The following GTSE1 variants were observed in gnomAD, a reference collection of about 807,000 sequenced individuals.
The protein encoded by GTSE1 is G2 and S-phase expressed 1.
Under a neutral mutation model 60.5 loss-of-function variants are expected in GTSE1, and 52 were observed. That is an observed-to-expected ratio of 0.86 (90% confidence interval 0.69 to 1.08). The LOEUF (loss-of-function observed/expected upper bound fraction) is 1.08, where lower values mean the gene tolerates loss of function less well. Among genes scored for constraint, GTSE1 ranks in the 50% least tolerant of loss-of-function variants. The pLI, the probability that GTSE1 is intolerant of heterozygous loss-of-function variation, is 0.00. For synonymous variants in GTSE1, 368 were observed against 386.5 expected (o/e 0.95, Z 0.56); for missense variants, 937 against 961.8 (o/e 0.97, Z 0.34).
chr22:46,328,062 A>G (rs2077853990), intron 9 of GTSE1, among the ~76,000 whole-genome samples: 1 of 152,348 alleles, frequency 6.6e-6, no homozygotes, highest in Non-Finnish European at 1.5e-5. Context: ...AAAAGAAGGT[A>G]CTGTGTGTTA....
intron 8 of GTSE1, among the ~76,000 whole-genome samples, chr22:46,325,954 T>G (rs2077841164): frequency 2.0e-5 from 3 of 152,216 alleles, no homozygotes; most frequent in African/African-American, 7.2e-5. Flanking sequence ...TCATTTGTGT[T>G]CACATCTGAT....
rs373467017 is a variant in GTSE1 at position 46,329,455 on chromosome 22, C to T, written c.2024C>T (p.Thr675Ile). Residue 675 changes from threonine (T) to isoleucine (I), a missense_variant, in exon 11 of 12, where the codon ACC (threonine) becomes ATC (isoleucine). Physicochemically the swap from Thr to Ile is moderately conservative, Grantham distance 89. Coordinates refer to ENST00000454366, the MANE Select transcript of GTSE1 (RefSeq NM_016426.7). This position sits in a 1 kb window ranked among gnomAD's most constrained non-coding sequence, Gnocchi z 6.4. ...CTTCCTCTCATCGACTTCTGCGATA[C>T]CCCAGAAGCACACGTGGCTGTAGGA... ...IDLPLIDFCD[T>I]PEAHVAVGSE... 166 of 1,613,620 alleles carry T rather than the reference C, an allele frequency of 1.0e-4. No homozygotes were observed. The highest frequency in any genetic ancestry group is 1.3e-4 in the Non-Finnish European group (159 of 1,179,610).
Position 46,318,155 on chromosome 22 carries a change from T to C in GTSE1, c.1432+1743T>C, listed in dbSNP as rs1417106469. 1.3e-5 allele frequency among the ~76,000 whole-genome samples: 2 copies of C among 152,248 alleles called. No homozygotes were observed. Among genetic ancestry groups the C allele is most frequent in the African/African-American group, 4.8e-5 (2 of 41,468 alleles). The stretch of plus-strand genomic sequence containing the variant: ...GTCTGGCCATTAGTGGGTGGGTGTT[T>C]GTAAAGTTTTCATGAATTTCTTGAA... On this transcript the variant is annotated intron_variant, in intron 7 of 11. Coordinates refer to ENST00000454366, the MANE Select transcript of GTSE1 (RefSeq NM_016426.7). This position sits in a 1 kb window ranked among gnomAD's most constrained non-coding sequence, Gnocchi z 4.8.
chr22:46,323,390 C>T, intron 8 of GTSE1, 128 bp downstream of exon 8: 1 of 747,572 alleles, frequency 1.3e-6, no homozygotes, highest in Non-Finnish European at 2.4e-6. Context: ...CTCTTGGGTG[C>T]AGGCCGAGCT....
chr22:46,303,233 T>C (rs191011484), intron 2 of GTSE1, among the ~76,000 whole-genome samples: 2 of 152,324 alleles, frequency 1.3e-5, no homozygotes, highest in Non-Finnish European at 2.9e-5. Context: ...GTTACTTTTA[T>C]GATATGCCAA....
Position 46,317,429 on chromosome 22 carries a change from G to A in GTSE1, c.1432+1017G>A, listed in dbSNP as rs2085622638. 6.6e-6 allele frequency among the ~76,000 whole-genome samples: 1 copy of A among 152,000 alleles called. No individual in the cohort carries two copies. Among genetic ancestry groups the A allele is most frequent in the South Asian group, 2.1e-4 (1 of 4,820 alleles). On this transcript the variant is annotated intron_variant, in intron 7 of 11. Transcript: ENST00000454366. The surrounding 1 kb of genome is among the most constrained non-coding windows in gnomAD (Gnocchi z 5.6). Reference sequence around the variant, plus strand: ...TACTTGGGTTTTCTTTTACATCCTCGTGAGCAAATTGATAATGGTTTTAGG... The same window carrying A: ...TACTTGGGTTTTCTTTTACATCCTCATGAGCAAATTGATAATGGTTTTAGG...
In GTSE1 at chr22:46,312,169, C is replaced by T; in HGVS notation, c.791C>T (p.Ser264Phe). 1 of 1,613,738 alleles carries T rather than the reference C, an allele frequency of 6.2e-7. No individual in the cohort carries two copies. Among genetic ancestry groups the T allele is most frequent in the Non-Finnish European group, 8.5e-7 (1 of 1,179,742 alleles). Residue 264 changes from serine (S) to phenylalanine (F), a missense_variant, in exon 5 of 12, where the codon TCC becomes TTC. Coordinates refer to ENST00000454366, the MANE Select transcript of GTSE1 (RefSeq NM_016426.7). ...KPKKEIPASP[S>F]RTKIPAEKES... ...AAGAAAGAGATTCCAGCTAGTCCTT[C>T]CAGGACAAAAATCCCAGCTGAGAAG... is the stretch of plus-strand genomic sequence containing the variant.
At chr22:46,315,967 C>CTGTGTGTT (rs1291352029) in intron 6 of GTSE1, 65 bp from the exon 7 acceptor site, 10 of 1,245,830 alleles carry the variant, frequency 8.0e-6, no homozygotes, top group Non-Finnish European at 1.1e-5. Context: ...AGCATAACTT[C>CTGTGTGTT]TGTGTGTTTG....
chr22:46,329,553 C>T lies in GTSE1; in HGVS notation c.2122C>T (p.Pro708Ser), dbSNP rs777536907. ...DMNKNVAKPS[P>S]VVGQLIDLSS... is the part of the protein sequence containing the mutation. ...GAATAAAAATGTGGCCAAACCTTCA[C>T]CGGTGGTGGGACAGGTGAGAAGTGG... The change falls in exon 11 of 12, where the codon CCG (proline) becomes TCG (serine). Residue 708 changes from proline (P) to serine (S), a missense_variant. Pro to Ser is a moderately conservative substitution (Grantham distance 74). Transcript: ENST00000454366. This position sits in a 1 kb window ranked among gnomAD's most constrained non-coding sequence, Gnocchi z 6.4. The T allele has an allele frequency of 3.2e-5, 51 of 1,613,966 alleles. 1 individual carries two copies. The South Asian group carries it at 4.8e-4, about 15-fold the overall frequency.
chr22:46,328,123 G>T (rs1050604227), intron 9 of GTSE1, among the ~76,000 whole-genome samples: 1 of 152,226 alleles, frequency 6.6e-6, no homozygotes, highest in African/African-American at 2.4e-5. Flanking sequence ...TCAGTTTTGC[G>T]TGGCAGGTAC....
chr22:46,322,549 G>T (rs2077819499), intron 7 of GTSE1, among the ~76,000 whole-genome samples: 1 of 151,744 alleles, frequency 6.6e-6, no homozygotes, highest in African/African-American at 2.4e-5. Context: ...CCAGTGTCTG[G>T]GGGCGTGGTG....
In GTSE1 at chr22:46,318,450, T is replaced by C. The variant is rs1052479054; in HGVS notation, c.1432+2038T>C. ...GACAGACCTACTCTCACAGAATTTC[T>C]GTTTAATAGGAAAAGATACGAAATG... On this transcript the variant is annotated intron_variant, in intron 7 of 11. Coordinates refer to ENST00000454366, the MANE Select transcript of GTSE1 (RefSeq NM_016426.7). This position sits in a 1 kb window ranked among gnomAD's most constrained non-coding sequence, Gnocchi z 4.8. 5.9e-5 allele frequency among the ~76,000 whole-genome samples: 9 copies of C among 152,208 alleles called. No individual in the cohort carries two copies. The highest frequency in any genetic ancestry group is 5.9e-4 in the Admixed American group (9 of 15,278).
chr22:46,301,704 G>A (rs1245836313), intron 2 of GTSE1, among the ~76,000 whole-genome samples: 1 of 151,832 alleles, frequency 6.6e-6, no homozygotes, highest in African/African-American at 2.4e-5. Context: ...GGCCAGGCTG[G>A]TCTCGAACTC....
rs2077757677 is a variant in GTSE1, at chr22:46,313,002, A to AAAAAAT, written c.927+704_927+709dup. On this transcript the variant is annotated intron_variant, in intron 5 of 11. Transcript: ENST00000454366. This position sits in a 1 kb window ranked among gnomAD's most constrained non-coding sequence, Gnocchi z 4.4. ...ACATAGTGAGGCCCCCATCTCCATT[A>AAAAAAT]AAAAATAAAAATCAGCCAGGCATGG... Among the ~76,000 whole-genome samples the AAAAAAT allele has an allele frequency of 6.6e-6, 1 of 151,614 alleles. No individual in the cohort carries two copies. Among genetic ancestry groups the AAAAAAT allele is most frequent in the South Asian group, 2.1e-4 (1 of 4,798 alleles).
intron 2 of GTSE1, among the ~76,000 whole-genome samples, chr22:46,305,390 A>G (rs2077709920): frequency 6.6e-6 from 1 of 152,030 alleles, no homozygotes; most frequent in African/African-American, 2.4e-5. Flanking sequence ...TGGAGGGATC[A>G]CGAGGTCAGG....
rs2077792469 is a variant in GTSE1, at chr22:46,318,264, C to T, written c.1432+1852C>T. On this transcript the variant is annotated intron_variant, in intron 7 of 11. Transcript: ENST00000454366. This position sits in a 1 kb window ranked among gnomAD's most constrained non-coding sequence, Gnocchi z 4.8. ...GCCTCCTCTGTCAGGCAGATCTGCC[C>T]TCTGGGTGCTTGAGGATTTTAAGTT... 6.6e-6 allele frequency among the ~76,000 whole-genome samples: 1 copy of T among 152,170 alleles called. No individual in the cohort carries two copies.
intron 9 of GTSE1, 84 bp from the exon 10 acceptor site, chr22:46,328,604 C>T (rs1349125490): frequency 3.7e-6 from 4 of 1,068,152 alleles, no homozygotes; most frequent in East Asian, 4.8e-5. Flanking sequence ...GACACTGTTC[C>T]TCCAGAGTGA....
In GTSE1 at chr22:46,329,667, C is replaced by A; in HGVS notation, c.2136+100C>A. On this transcript the variant is annotated intron_variant, in intron 11 of 11. Transcript: ENST00000454366. The surrounding 1 kb of genome is among the most constrained non-coding windows in gnomAD (Gnocchi z 6.4). ...GCCATCGTGGGACCCTTGAGAGTGG[C>A]TGTTGAGTCTTCTCAGCTACACACC... 1 of 895,292 alleles carries A rather than the reference C, an allele frequency of 1.1e-6. No homozygotes were observed. Among genetic ancestry groups the A allele is most frequent in the South Asian group, 1.4e-5 (1 of 71,570 alleles). 55.5% of individuals were successfully genotyped at this position (895,292 alleles called of 1,614,324 possible). A position where few individuals can be genotyped will look rare whatever the true frequency, so the allele number is the denominator to read the frequency against.
chr22:46,305,629 C>G (rs2077711383), intron 2 of GTSE1, among the ~76,000 whole-genome samples: 1 of 144,348 alleles, frequency 6.9e-6, no homozygotes, highest in South Asian at 2.2e-4. Context: ...AAAGAATATA[C>G]CAAGTGCAGT....
Sources: allele counts gnomAD v4.1 joint callset (sites outside exome capture counted in the v4.1 genomes callset), GRCh38; gene constraint gnomAD v4.1.1; non-coding constraint Gnocchi (gnomAD v3.1); transcripts MANE v1.5; gene names NCBI Gene and HGNC (gene_info 2026-07-23, HGNC 2026-07-21).